VAMP4: variants seen among roughly 807,000 people sequenced by gnomAD.
The protein encoded by VAMP4 is vesicle associated membrane protein 4.
VAMP4 carries 19 observed loss-of-function variants against 23.5 expected under a neutral mutation model. The ratio of observed to expected loss-of-function variants is 0.81; its 90% CI spans 0.56 to 1.19. The LOEUF is 1.19. Ranked by LOEUF, VAMP4 falls within the 50% of genes most tolerant of loss-of-function variation. The pLI is 0.00. For missense variants in VAMP4, 145 were observed against 168.6 expected, an observed-to-expected ratio of 0.86 and a Z score of 0.78; for synonymous variants, 31 against 51.0, an observed-to-expected ratio of 0.61 and a Z score of 1.67.
intron 3 of VAMP4, among the ~76,000 whole-genome samples, chr1:171,725,264 C>T (rs935884829): frequency 2.0e-5 from 3 of 152,120 alleles, no homozygotes; most frequent in South Asian, 4.1e-4. Context: ...GAATTTCCTT[C>T]CAAACTTTTT....
At chr1:171,739,456 T>C (rs1655855179) in intron 1 of VAMP4, among the ~76,000 whole-genome samples, 2 of 152,190 alleles carry the variant, frequency 1.3e-5, no homozygotes, top group African/African-American at 2.4e-5. Context: ...AATAAACCAG[T>C]AAACAAAGTG....
At chr1:171,728,013 G>T (rs1400324938) in intron 3 of VAMP4, among the ~76,000 whole-genome samples, 1 of 152,138 alleles carries the variant, frequency 6.6e-6, no homozygotes, top group East Asian at 1.9e-4. Context: ...ACAGGTACAC[G>T]GTACAGTAAG....
At chr1:171,708,521 G>C (rs1473037232) in intron 6 of VAMP4, among the ~76,000 whole-genome samples, 1 of 151,658 alleles carries the variant, frequency 6.6e-6, no homozygotes, top group Admixed American at 6.6e-5. Context: ...ATAAATCCAA[G>C]GTAACTCTTG....
chr1:171,737,640 AGATAT>A (rs1212838821), intron 2 of VAMP4, among the ~76,000 whole-genome samples: 2 of 152,226 alleles, frequency 1.3e-5, no homozygotes, highest in African/African-American at 4.8e-5. Flanking sequence ...ATAGTTAGTT[AGATAT>A]AACTAAATAT....
chr1:171,720,748 A>C (rs1349136938), intron 3 of VAMP4, among the ~76,000 whole-genome samples: 2 of 152,062 alleles, frequency 1.3e-5, no homozygotes, highest in Non-Finnish European at 2.9e-5. Context: ...AAAAATAAGA[A>C]TTCTATGCAA....
intron 4 of VAMP4, among the ~76,000 whole-genome samples, chr1:171,718,197 C>A (rs149428242): frequency 8.3e-4 from 126 of 152,262 alleles, no homozygotes; most frequent in African/African-American, 2.8e-3. Context: ...TCTCAAAATC[C>A]ATTAGTTAGA....
rs117220673 is a variant in VAMP4 at position 171,735,474 on chromosome 1, A to G, written c.66+2875T>C. On this transcript the variant is annotated intron_variant, in intron 2 of 7. Coordinates refer to ENST00000236192, the MANE Select transcript of VAMP4 (RefSeq NM_003762.5). ...ATTTCCATACTTCAGTCTTCATCTT[A>G]CACAAAGGCAGATGTGACTTAGGGG... Among the ~76,000 whole-genome samples the G allele has an allele frequency of 6.6e-4, 101 of 152,312 alleles. 1 individual carries two copies. The highest frequency in any genetic ancestry group is 1.0e-3 in the Non-Finnish European group (70 of 68,022).
At chr1:171,720,495 T>C (rs867621279) in intron 3 of VAMP4, among the ~76,000 whole-genome samples, 2 of 150,798 alleles carry the variant, frequency 1.3e-5, no homozygotes. Flanking sequence ...CCAGACTGAT[T>C]AGGAAAAAAA....
rs746888610 is a variant in VAMP4, at chr1:171,709,720, G to C, written c.290C>G (p.Ala97Gly). ...AAGTTGTTTGGATCTGTTGCTAAAA[G>C]CTGTTGCATTATCCGATAAGCTTTC... ...KSESLSDNAT[A>G]FSNRSKQLRR... The change falls in exon 6 of 8, where the codon GCT becomes GGT. Residue 97 changes from alanine to glycine, a missense_variant. By Grantham distance (60) the Ala-to-Gly change is moderately conservative. Transcript: ENST00000236192. 6.2e-7 allele frequency: 1 copy of C among 1,612,894 alleles called. No individual in the cohort carries two copies. The highest frequency in any genetic ancestry group is 1.3e-5 in the African/African-American group (1 of 74,854).
At chr1:171,706,923 A>G (rs180713853) in intron 6 of VAMP4, among the ~76,000 whole-genome samples, 2 of 152,326 alleles carry the variant, frequency 1.3e-5, no homozygotes, top group Admixed American at 1.3e-4. Context: ...TTTCTACGGT[A>G]GTTTTTCAAC....
chr1:171,739,414 C>A (rs1389372357), intron 1 of VAMP4, among the ~76,000 whole-genome samples: 1 of 152,234 alleles, frequency 6.6e-6, no homozygotes, highest in East Asian at 1.9e-4. Flanking sequence ...CTATGCACCT[C>A]TTCCATCTGG....
Position 171,702,158 on chromosome 1 carries a change from T to A in VAMP4, c.*2348A>T, listed in dbSNP as rs1282759988. On this transcript the variant is annotated 3_prime_UTR_variant, in exon 8 of 8. Transcript: ENST00000236192. ...CATCAGTTTGAACAATATATTTTTT[T>A]CTTCTGTTTTTGATCGTAAGAGGGC... 6.6e-6 allele frequency: 1 copy of A among 152,066 alleles called. No individual in the cohort carries two copies. Among genetic ancestry groups the A allele is most frequent in the Non-Finnish European group, 1.5e-5 (1 of 67,940 alleles). 9.4% of individuals were successfully genotyped at this position (152,066 alleles called of 1,614,324 possible). A position where few individuals can be genotyped will look rare whatever the true frequency, so the allele number is the denominator to read the frequency against.
intron 3 of VAMP4, among the ~76,000 whole-genome samples, chr1:171,722,241 T>C (rs1655220176): frequency 6.6e-6 from 1 of 152,084 alleles, no homozygotes; most frequent in South Asian, 2.1e-4. Context: ...TTACACCTTA[T>C]ACAAAAATTA....
At chr1:171,741,770 T>G (rs578167393) in intron 1 of VAMP4, 140 bp downstream of exon 1, 2 of 152,224 alleles carry the variant, frequency 1.3e-5, no homozygotes, top group Non-Finnish European at 2.9e-5. Flanking sequence ...CTTTTCCCAC[T>G]CCGGGGTCCC....
At chr1:171,731,426 A>T (rs1185871064) in intron 2 of VAMP4, among the ~76,000 whole-genome samples, 2 of 102,342 alleles carry the variant, frequency 2.0e-5, no homozygotes, top group Non-Finnish European at 2.3e-5. Context: ...TAATAATAAT[A>T]AAAAAAACAG....
rs1214878418 is a variant in VAMP4 at position 171,702,131 on chromosome 1, G to A, written c.*2375C>T. The A allele has an allele frequency of 6.6e-6, 1 of 152,050 alleles. No homozygotes were observed. The highest frequency in any genetic ancestry group is 1.5e-5 in the Non-Finnish European group (1 of 67,940). The allele number at this position is 152,050 out of a possible 1,614,324, so 9.4% of individuals were successfully genotyped here. On this transcript the variant is annotated 3_prime_UTR_variant, in exon 8 of 8. Transcript: ENST00000236192. ...TAAGGGAGGGAATAAAGGTAGGCCT[G>A]GCATCAGTTTGAACAATATATTTTT...
chr1:171,704,557 A>C (rs1199705713), intron 7 of VAMP4, 23 bp from the exon 8 acceptor site: 1 of 1,555,664 alleles, frequency 6.4e-7, no homozygotes, highest in South Asian at 1.2e-5. Context: ...ACATGAAAAA[A>C]GCAATATATC....
chr1:171,719,276 C>CA (rs976953030), intron 3 of VAMP4, 55 bp from the exon 4 acceptor site: 129 of 1,427,426 alleles, frequency 9.0e-5, no homozygotes, highest in East Asian at 4.2e-4. Context: ...TAAAACAAAA[C>CA]AAAAAAAAGA....
chr1:171,729,058 C>A (rs2124862721), intron 2 of VAMP4, among the ~76,000 whole-genome samples: 1 of 152,190 alleles, frequency 6.6e-6, no homozygotes, highest in South Asian at 2.1e-4. Flanking sequence ...CAAACAGCCC[C>A]CTAAACAAAT....
Sources: allele counts gnomAD v4.1 joint callset (sites outside exome capture counted in the v4.1 genomes callset), GRCh38; gene constraint gnomAD v4.1.1; transcripts MANE v1.5; gene names NCBI Gene and HGNC (gene_info 2026-07-23, HGNC 2026-07-21).